Variants in CCZ1 observed in about 807,000 individuals in gnomAD.
CCZ1 encodes vacuolar fusion protein CCZ1 homolog.
CCZ1 carries 19 observed loss-of-function variants against 57.8 expected under a neutral mutation model. That is an observed-to-expected ratio of 0.33 (90% CI 0.23 to 0.48). The LOEUF (loss-of-function observed/expected upper bound fraction) is 0.48. Among genes scored for constraint, CCZ1 ranks in the 20% least tolerant of loss-of-function variants. The pLI, the probability that CCZ1 is intolerant of heterozygous loss-of-function variation, is 0.99. For synonymous variants in CCZ1, 81 were observed against 167.0 expected (o/e 0.49, Z 3.97); for missense variants, 200 against 492.0 (o/e 0.41, Z 5.61).
intron 1 of CCZ1, 121 bp from the exon 2 acceptor site, chr7:5,900,163 T>C (rs933567235): frequency 2.2e-6 from 3 of 1,348,216 alleles, no homozygotes; most frequent in Admixed American, 5.9e-5. Context: ...CTAAAACCGG[T>C]TTTTGTTTTG....
At chr7:5,908,668 C>T (rs969492743) in intron 7 of CCZ1, among the ~76,000 whole-genome samples, 1 of 147,110 alleles carries the variant, frequency 6.8e-6, no homozygotes, top group Non-Finnish European at 1.5e-5. Flanking sequence ...GTGTGAGCTT[C>T]CGCGCCCGAC....
chr7:5,916,583 G>GCAA (rs1365172055), intron 10 of CCZ1, among the ~76,000 whole-genome samples: 6 of 145,232 alleles, frequency 4.1e-5, no homozygotes, highest in Non-Finnish European at 9.0e-5. Flanking sequence ...CTCTCCCGTT[G>GCAA]GGGTCATGTG....
At chr7:5,914,668 A>C (rs1398062830) in intron 10 of CCZ1, among the ~76,000 whole-genome samples, 3 of 148,994 alleles carry the variant, frequency 2.0e-5, no homozygotes, top group African/African-American at 7.5e-5. Flanking sequence ...TGAGGTCTGG[A>C]GTTCGAGACC....
chr7:5,911,996 C>T (rs1035850460), intron 9 of CCZ1, 74 bp downstream of exon 9: 4 of 1,565,908 alleles, frequency 2.6e-6, no homozygotes, highest in African/African-American at 1.4e-5. Flanking sequence ...CTCTGTTACC[C>T]AGGCTGGAGA....
rs375775991 is a variant in CCZ1 at position 5,912,970 on chromosome 7, C to A, written c.954+16C>A. 60 of 1,607,908 alleles carry A rather than the reference C, an allele frequency of 3.7e-5. No individual in the cohort carries two copies. The highest frequency in any genetic ancestry group is 4.9e-5 in the Non-Finnish European group (58 of 1,177,436). ...CGTTTATAAGGTAACAACTGTTTTC[C>A]TTCCAGCGTTAATGATTGTGCTGAA... On this transcript the variant is annotated intron_variant, in intron 10 of 14. Transcript: ENST00000325974.
At chr7:5,906,870 T>G (rs1295345434) in intron 7 of CCZ1, among the ~76,000 whole-genome samples, 3 of 142,742 alleles carry the variant, frequency 2.1e-5, no homozygotes, top group African/African-American at 8.5e-5. Context: ...ACCCATCTAC[T>G]TTTTTTTTTG....
At chr7:5,906,315 CTT>C (rs1417043956) in intron 7 of CCZ1, among the ~76,000 whole-genome samples, 2 of 110,064 alleles carry the variant, frequency 1.8e-5, no homozygotes, top group East Asian at 7.9e-4. Flanking sequence ...AGCCCACTTT[CTT>C]TCTTTCTTTT....
rs746560067 is a variant in CCZ1 at position 5,923,916 on chromosome 7, CTA to C, written c.1349_1350del (p.Tyr450CysfsTer12). On this transcript the variant is annotated frameshift_variant, in exon 14 of 15. Coordinates refer to ENST00000325974, the MANE Select transcript of CCZ1 (RefSeq NM_015622.6). LOFTEE classifies it high-confidence loss of function. Reference sequence around the variant, plus strand: ...GAAAGAAGTCTGATCGGCGGGAGCTCTATGTTATTTTGAATCAAAAAAATGCA... The same window carrying C: ...GAAAGAAGTCTGATCGGCGGGAGCTCTGTTATTTTGAATCAAAAAAATGCA... ...VGKKSDRRELYVILNQKNANL... is the reference protein window; with the variant it reads ...VGKKSDRRELXVILNQKNANL... 34 of 1,463,802 alleles carry C rather than the reference CTA, an allele frequency of 2.3e-5. No homozygotes were observed. The highest frequency in any genetic ancestry group is 5.6e-5 in the South Asian group (5 of 89,928). The allele number at this position is 1,463,802 out of a possible 1,614,324, so 90.7% of individuals were successfully genotyped here.
chr7:5,906,684 A>G lies in CCZ1; in HGVS notation c.698+1415A>G, dbSNP rs1433794114. Among the ~76,000 whole-genome samples the G allele has an allele frequency of 5.4e-5, 8 of 149,416 alleles. 1 individual carries two copies. The South Asian group carries it at 8.7e-4, about 16-fold the overall frequency. On this transcript the variant is annotated intron_variant, in intron 7 of 14. Transcript: ENST00000325974. ...TACTACTATAAGGTAAATTCAGCTA[A>G]TAGAAAAGGCAAAACTAGTTCCCCT... is the stretch of plus-strand genomic sequence containing the variant.
At chr7:5,907,465 G>T (rs930150718) in intron 7 of CCZ1, among the ~76,000 whole-genome samples, 7 of 148,330 alleles carry the variant, frequency 4.7e-5, no homozygotes, top group African/African-American at 1.8e-4. Flanking sequence ...AAAAGAGAAG[G>T]GTAGCTGAGA....
chr7:5,921,453 CCT>C (rs1164038912), intron 12 of CCZ1, among the ~76,000 whole-genome samples: 3 of 42,470 alleles, frequency 7.1e-5, no homozygotes, highest in East Asian at 4.3e-4. Context: ...ACCTCCAGCC[CCT>C]GAGTTCATTC....
intron 12 of CCZ1, among the ~76,000 whole-genome samples, chr7:5,922,839 G>A (rs1779270477): frequency 6.7e-6 from 1 of 148,832 alleles, no homozygotes; most frequent in African/African-American, 2.5e-5. Context: ...GGAACGAGGT[G>A]TTACTCTCCT....
At chr7:5,902,869 A>G in intron 6 of CCZ1, 125 bp downstream of exon 6, 2 of 1,237,442 alleles carry the variant, frequency 1.6e-6, no homozygotes, top group South Asian at 3.3e-5. Context: ...AAAGAGCCTG[A>G]GACAGACCGT....
chr7:5,903,485 G>C lies in CCZ1; in HGVS notation c.522+741G>C, dbSNP rs1282992479. Among the ~76,000 whole-genome samples the C allele has an allele frequency of 1.9e-4, 25 of 132,624 alleles. 1 individual carries two copies. Among genetic ancestry groups the C allele is most frequent in the African/African-American group, 7.2e-4 (25 of 34,632 alleles). The allele number at this position is 132,624 out of a possible 152,430, so 87.0% of individuals were successfully genotyped here. A position where few individuals can be genotyped will look rare whatever the true frequency, so the allele number is the denominator to read the frequency against. Reference sequence around the variant, plus strand: ...GAAAATACCTTCTGTATCTATTTTTGAATTCGACTTTCTAAAACAGCTTTC... The same window carrying C: ...GAAAATACCTTCTGTATCTATTTTTCAATTCGACTTTCTAAAACAGCTTTC... On this transcript the variant is annotated intron_variant, in intron 6 of 14. Transcript: ENST00000325974.
intron 9 of CCZ1, among the ~76,000 whole-genome samples, chr7:5,912,575 G>T (rs1399250206): frequency 6.8e-6 from 1 of 146,016 alleles, no homozygotes; most frequent in African/African-American, 2.6e-5. Flanking sequence ...AATTTTTGTA[G>T]TTTTAGTAGA....
In CCZ1 at chr7:5,901,739, G is replaced by A. The variant is rs200829907; in HGVS notation, c.438+35G>A. On this transcript the variant is annotated intron_variant, in intron 5 of 14. Transcript: ENST00000325974. ...GCGTTCTTTCTCAACTCAGAGTCCA[G>A]CCACTTACCCCTATCTCTAGGCTCC... The A allele has an allele frequency of 8.7e-5, 139 of 1,594,964 alleles. 5 individuals are homozygous for A. Among genetic ancestry groups the A allele is most frequent in the Middle Eastern group, 5.0e-4 (3 of 5,998 alleles).
In CCZ1 at chr7:5,911,068, C is replaced by A. The variant is rs191279227; in HGVS notation, c.781-793C>A. Among the ~76,000 whole-genome samples, 22 of 148,804 alleles carry A rather than the reference C, an allele frequency of 1.5e-4. 3 individuals carry two copies. The East Asian group carries it at 4.7e-3, about 32-fold the overall frequency. ...TGGATTTTAGATCGGGTTCTAGGAACCTTTAAAATGCCAGTGATCTTTAAA... is the reference window on the plus strand; with the variant it reads ...TGGATTTTAGATCGGGTTCTAGGAAACTTTAAAATGCCAGTGATCTTTAAA... On this transcript the variant is annotated intron_variant, in intron 8 of 14. Transcript: ENST00000325974.
At chr7:5,910,346 G>A (rs1160068231) in intron 8 of CCZ1, 1 of 399,214 alleles carries the variant, frequency 2.5e-6, no homozygotes, top group East Asian at 5.1e-5. Context: ...GTGTCTGTGT[G>A]TTGGTTTTTT....
At chr7:5,920,940 T>C (rs1318755695) in intron 12 of CCZ1, among the ~76,000 whole-genome samples, 1 of 111,776 alleles carries the variant, frequency 8.9e-6, no homozygotes, top group African/African-American at 3.8e-5. Context: ...TGTTCATACG[T>C]TGTTTTTTGG....
Sources: allele counts gnomAD v4.1 joint callset (sites outside exome capture counted in the v4.1 genomes callset), GRCh38; gene constraint gnomAD v4.1.1; transcripts MANE v1.5; gene names NCBI Gene and HGNC (gene_info 2026-07-23, HGNC 2026-07-21).